The following ZNF618 variants were observed in gnomAD, a reference collection of about 807,000 sequenced individuals.
ZNF618 encodes the protein neural precursor cell expressed, developmentally down-regulated 10.
In ZNF618, 34 loss-of-function variants were observed where a neutral mutation model predicts 103.0. The ratio of observed to expected loss-of-function variants is 0.33; its 90% CI spans 0.25 to 0.44. The LOEUF is 0.44. ZNF618 is among the 20% of genes least tolerant of loss of function. The pLI, the probability that ZNF618 is intolerant of heterozygous loss-of-function variation, is 1.00. For missense variants in ZNF618, 1,059 were observed against 1,295.4 expected (o/e 0.82, Z 2.80); for synonymous variants, 551 against 542.2 (o/e 1.02, Z -0.23).
At chr9:113,943,980 TTTCC>T (rs1437258910) in intron 1 of ZNF618, among the ~76,000 whole-genome samples, 1 of 152,210 alleles carries the variant, frequency 6.6e-6, no homozygotes, top group African/African-American at 2.4e-5. Flanking sequence ...TTTAATGCCT[TTTCC>T]TTCCTTACTA....
chr9:114,002,575 T>C (rs770252459), intron 5 of ZNF618, 49 bp from the exon 6 acceptor site: 34 of 1,594,894 alleles, frequency 2.1e-5, no homozygotes, highest in Middle Eastern at 3.3e-4. Flanking sequence ...ACTGGCCCTG[T>C]CATTGGCCCG....
At chr9:113,956,912 C>T (rs961794173) in intron 1 of ZNF618, among the ~76,000 whole-genome samples, 1 of 152,154 alleles carries the variant, frequency 6.6e-6, no homozygotes, top group Non-Finnish European at 1.5e-5. Context: ...AGACGCAGTT[C>T]TGAGAGTTTT....
chr9:114,002,366 AGT>A (rs967236425), intron 5 of ZNF618, among the ~76,000 whole-genome samples: 12 of 152,186 alleles, frequency 7.9e-5, no homozygotes, highest in African/African-American at 2.9e-4. Context: ...ATCACTGCTC[AGT>A]GTCAGTGGCC....
intron 10 of ZNF618, among the ~76,000 whole-genome samples, chr9:114,027,062 CTG>C (rs1564316623): frequency 3.3e-5 from 5 of 152,070 alleles, no homozygotes. Context: ...GAAATGGACT[CTG>C]GGTGCCTATT....
intron 1 of ZNF618, among the ~76,000 whole-genome samples, chr9:113,929,947 A>G (rs754331610): frequency 6.6e-5 from 10 of 152,256 alleles, no homozygotes; most frequent in Non-Finnish European, 7.3e-5. Context: ...CCAGTAACTC[A>G]GAGCTTGTTT....
At chr9:113,975,753 C>T (rs1838409733) in intron 2 of ZNF618, among the ~76,000 whole-genome samples, 1 of 152,134 alleles carries the variant, frequency 6.6e-6, no homozygotes, top group African/African-American at 2.4e-5. Context: ...CTGTAGCCAG[C>T]CCAGTGCTAG....
intron 1 of ZNF618, among the ~76,000 whole-genome samples, chr9:113,885,080 G>C (rs923239904): frequency 6.6e-6 from 1 of 152,204 alleles, no homozygotes; most frequent in Non-Finnish European, 1.5e-5. Flanking sequence ...TTCTCTGCCT[G>C]ATCCTGGAGT....
At chr9:113,929,939 A>G (rs563685194) in intron 1 of ZNF618, among the ~76,000 whole-genome samples, 2 of 152,398 alleles carry the variant, frequency 1.3e-5, no homozygotes, top group Admixed American at 1.3e-4. Context: ...ATGAATAACC[A>G]GTAACTCAGA....
intron 3 of ZNF618, among the ~76,000 whole-genome samples, chr9:113,997,068 TTTC>T (rs1840684755): frequency 6.6e-6 from 1 of 151,770 alleles, no homozygotes. Flanking sequence ...TTCTTTTTTT[TTTC>T]TTCTTCTTCC....
chr9:114,040,277 C>T (rs1232477241), intron 13 of ZNF618, among the ~76,000 whole-genome samples: 1 of 150,646 alleles, frequency 6.6e-6, no homozygotes, highest in African/African-American at 2.4e-5. Context: ...GGTTCATATC[C>T]AGGGTTTTCA....
intron 1 of ZNF618, among the ~76,000 whole-genome samples, chr9:113,933,713 G>C (rs1418858987): frequency 6.6e-6 from 1 of 152,180 alleles, no homozygotes; most frequent in Non-Finnish European, 1.5e-5. Flanking sequence ...TTCCAGTGTG[G>C]GGTAGGCAAG....
At chr9:113,977,925 A>C (rs1838629186) in intron 2 of ZNF618, among the ~76,000 whole-genome samples, 1 of 152,160 alleles carries the variant, frequency 6.6e-6, no homozygotes, top group Non-Finnish European at 1.5e-5. Context: ...ATCTTTGTGA[A>C]CTCCAATATT....
chr9:113,976,098 A>G (rs1838444705), intron 2 of ZNF618, among the ~76,000 whole-genome samples: 1 of 152,144 alleles, frequency 6.6e-6, no homozygotes, highest in Non-Finnish European at 1.5e-5. Flanking sequence ...AAATTCATAT[A>G]CAGTCTTAGG....
intron 1 of ZNF618, among the ~76,000 whole-genome samples, chr9:113,903,606 A>G (rs905113257): frequency 3.3e-5 from 5 of 151,952 alleles, no homozygotes; most frequent in African/African-American, 4.8e-5. Context: ...AGTGCTTCCT[A>G]TGTAGGTCTG....
intron 1 of ZNF618, among the ~76,000 whole-genome samples, chr9:113,922,046 T>A (rs926261532): frequency 3.3e-5 from 5 of 152,212 alleles, no homozygotes; most frequent in African/African-American, 1.2e-4. Context: ...TTTTGATGTA[T>A]CGATACTTTG....
chr9:113,954,343 T>A (rs1836048409), intron 1 of ZNF618, among the ~76,000 whole-genome samples: 1 of 152,114 alleles, frequency 6.6e-6, no homozygotes, highest in Admixed American at 6.5e-5. Flanking sequence ...AGGAGAGCAT[T>A]ACCCTTTCAC....
intron 2 of ZNF618, among the ~76,000 whole-genome samples, chr9:113,970,909 C>T (rs1373690962): frequency 6.8e-6 from 1 of 146,678 alleles, no homozygotes; most frequent in Non-Finnish European, 1.5e-5. Context: ...CTGCTGTGGG[C>T]CTGGCCCCTA....
At chr9:113,952,780 A>T (rs1835897533) in intron 1 of ZNF618, among the ~76,000 whole-genome samples, 1 of 152,256 alleles carries the variant, frequency 6.6e-6, no homozygotes, top group Admixed American at 6.5e-5. Flanking sequence ...AAAATGGTTT[A>T]CTAAGGATGC....
Position 113,967,834 on chromosome 9 carries a change from G to A in ZNF618, c.34-1283G>A, listed in dbSNP as rs371928886. Reference sequence around the variant, plus strand: ...GAGTGGAGGATGGAGGCTGTGGAGAGCCAAGTATGTCAGCTCTAGCTGCCT... The same window carrying A: ...GAGTGGAGGATGGAGGCTGTGGAGAACCAAGTATGTCAGCTCTAGCTGCCT... On this transcript the variant is annotated intron_variant, in intron 1 of 14. Coordinates refer to ENST00000374126, the MANE Select transcript of ZNF618 (RefSeq NM_001318042.2). Among the ~76,000 whole-genome samples the A allele has an allele frequency of 3.9e-5, 6 of 152,338 alleles. No individual in the cohort carries two copies. In the South Asian group the frequency reaches 1.2e-3, roughly 32 times the overall value.
Sources: allele counts gnomAD v4.1 joint callset (sites outside exome capture counted in the v4.1 genomes callset), GRCh38; gene constraint gnomAD v4.1.1; transcripts MANE v1.5; gene names NCBI Gene and HGNC (gene_info 2026-07-23, HGNC 2026-07-21).